IL1RAPL1: variants seen among roughly 807,000 people sequenced by gnomAD.
IL1RAPL1 encodes interleukin 1 receptor accessory protein like 1, also known as interleukin-1 receptor accessory protein-like 1.
In IL1RAPL1, 3 loss-of-function variants were observed where a neutral mutation model predicts 48.4. The ratio of observed to expected loss-of-function variants is 0.06; its 90% CI spans 0.03 to 0.16. IL1RAPL1 has a LOEUF of 0.16. Ranked by LOEUF, IL1RAPL1 falls within the 10% of genes least tolerant of loss-of-function variation. The pLI is 1.00. For missense variants in IL1RAPL1, 349 were observed against 530.6 expected (o/e 0.66, Z 3.36); for synonymous variants, 185 against 187.7 (o/e 0.99, Z 0.12).
intron 2 of IL1RAPL1, among the ~76,000 whole-genome samples, chrX:29,094,164 A>T (rs1004476037): frequency 9.0e-6 from 1 of 111,697 alleles, no homozygotes; most frequent in Non-Finnish European, 1.9e-5. Context: ...ATGAGTGTGC[A>T]TGCCCCCCTT....
chrX:28,785,786 T>G lies in IL1RAPL1; in HGVS notation c.-24-3534T>G, dbSNP rs952891102. Among the ~76,000 whole-genome samples the G allele has an allele frequency of 2.7e-5, 3 of 112,257 alleles. No individual in the cohort carries two copies. In the Admixed American group the frequency reaches 2.9e-4, roughly 11 times the overall value. ...AACAGGGCCAGTCTAATTAAATAGGTAAGCATTTGTTTCCTTTATTGGTTT... is the reference window on the plus strand; with the variant it reads ...AACAGGGCCAGTCTAATTAAATAGGGAAGCATTTGTTTCCTTTATTGGTTT... On this transcript the variant is annotated intron_variant, in intron 1 of 10. Coordinates refer to ENST00000378993, the MANE Select transcript of IL1RAPL1 (RefSeq NM_014271.4).
intron 3 of IL1RAPL1, among the ~76,000 whole-genome samples, chrX:29,304,130 G>C (rs1932580444): frequency 1.8e-5 from 2 of 110,803 alleles, no homozygotes; most frequent in Non-Finnish European, 1.9e-5. Context: ...GTCCCCTCCA[G>C]TATATGTACT....
intron 1 of IL1RAPL1, among the ~76,000 whole-genome samples, chrX:28,719,851 A>G (rs768648363): frequency 9.0e-6 from 1 of 111,268 alleles, no homozygotes; most frequent in Non-Finnish European, 1.9e-5. Flanking sequence ...TCCAGCACAC[A>G]GGAATGGGGG....
chrX:28,922,350 A>G (rs941553781), intron 2 of IL1RAPL1, among the ~76,000 whole-genome samples: 17 of 112,000 alleles, frequency 1.5e-4, no homozygotes, highest in Non-Finnish European at 3.0e-4. Context: ...TTCCTTCTTA[A>G]AAGGAAGCAA....
intron 8 of IL1RAPL1, among the ~76,000 whole-genome samples, chrX:29,941,101 G>A (rs2147251240): frequency 8.9e-6 from 1 of 111,812 alleles, no homozygotes; most frequent in Admixed American, 9.4e-5. Flanking sequence ...ACAATCCACA[G>A]TGCTCTCCTG....
intron 3 of IL1RAPL1, among the ~76,000 whole-genome samples, chrX:29,318,567 C>G (rs1247811117): frequency 5.3e-5 from 6 of 112,302 alleles, no homozygotes; most frequent in Admixed American, 1.9e-4. Context: ...GTAATCTAAG[C>G]AGACATAGAG....
At chrX:29,116,240 C>T (rs182318809) in intron 2 of IL1RAPL1, among the ~76,000 whole-genome samples, 173 of 110,808 alleles carry the variant, frequency 1.6e-3, no homozygotes, top group Non-Finnish European at 2.8e-3. Context: ...GGATTATGGA[C>T]ATTTTTCATC....
intron 2 of IL1RAPL1, among the ~76,000 whole-genome samples, chrX:28,849,841 C>T (rs182614362): frequency 8.9e-6 from 1 of 111,980 alleles, no homozygotes; most frequent in African/African-American, 3.2e-5. Context: ...ATCTTTGTCC[C>T]TGTCTTATGA....
chrX:28,703,660 A>G (rs1935328174), intron 1 of IL1RAPL1, among the ~76,000 whole-genome samples: 1 of 111,456 alleles, frequency 9.0e-6, no homozygotes, highest in African/African-American at 3.3e-5. Flanking sequence ...AAACAATTGC[A>G]ACACCTCTGT....
intron 5 of IL1RAPL1, among the ~76,000 whole-genome samples, chrX:29,613,163 T>TA (rs758474459): frequency 5.3e-5 from 6 of 112,638 alleles, no homozygotes; most frequent in African/African-American, 1.6e-4. Context: ...GTAGTCACAT[T>TA]AAAAATCACG....
chrX:29,143,914 T>C (rs1162752959), intron 2 of IL1RAPL1, among the ~76,000 whole-genome samples: 1 of 111,860 alleles, frequency 8.9e-6, no homozygotes, highest in Non-Finnish European at 1.9e-5. Flanking sequence ...GATATGTCGA[T>C]ACAACAGTGG....
chrX:29,856,705 G>A (rs760360615), intron 6 of IL1RAPL1, among the ~76,000 whole-genome samples: 10 of 111,403 alleles, frequency 9.0e-5, no homozygotes, highest in Non-Finnish European at 1.9e-4. Context: ...TATATTTCTC[G>A]ACTATACCTA....
intron 2 of IL1RAPL1, among the ~76,000 whole-genome samples, chrX:29,227,084 A>C: frequency 9.1e-6 from 1 of 110,480 alleles, no homozygotes; most frequent in East Asian, 2.8e-4. Context: ...TTAATGTGGT[A>C]ATTTAGAGTG....
At chrX:29,567,551 T>C (rs1170538714) in intron 5 of IL1RAPL1, among the ~76,000 whole-genome samples, 1 of 111,901 alleles carries the variant, frequency 8.9e-6, no homozygotes, top group Non-Finnish European at 1.9e-5. Flanking sequence ...ATTTTCCTTT[T>C]GAGAACAAAT....
intron 5 of IL1RAPL1, among the ~76,000 whole-genome samples, chrX:29,644,416 A>G (rs1569136012): frequency 8.9e-6 from 1 of 111,762 alleles, no homozygotes; most frequent in African/African-American, 3.3e-5. Context: ...GCACCTATAC[A>G]TGTCCCTCAT....
intron 1 of IL1RAPL1, among the ~76,000 whole-genome samples, chrX:28,737,159 TTCC>T (rs1569161798): frequency 2.3e-4 from 10 of 42,997 alleles, no homozygotes; most frequent in Non-Finnish European, 3.5e-4. Flanking sequence ...CCTTCCTTCC[TTCC>T]TTCCTTCCTT....
At chrX:29,311,532 G>T (rs1932724079) in intron 3 of IL1RAPL1, among the ~76,000 whole-genome samples, 1 of 111,685 alleles carries the variant, frequency 9.0e-6, no homozygotes, top group Non-Finnish European at 1.9e-5. Flanking sequence ...CTATGTCTCT[G>T]CTGTTCAATA....
intron 2 of IL1RAPL1, among the ~76,000 whole-genome samples, chrX:29,082,751 G>A (rs1168254300): frequency 9.0e-6 from 1 of 111,454 alleles, no homozygotes; most frequent in Non-Finnish European, 1.9e-5. Context: ...TGAAGATTGC[G>A]GCAGGTGTTA....
At chrX:28,865,422 G>A (rs1304769959) in intron 2 of IL1RAPL1, among the ~76,000 whole-genome samples, 1 of 93,376 alleles carries the variant, frequency 1.1e-5, no homozygotes, top group African/African-American at 4.1e-5. Flanking sequence ...CTGGGTGACA[G>A]AAGGAGACCC....
Sources: allele counts gnomAD v4.1 joint callset (sites outside exome capture counted in the v4.1 genomes callset), GRCh38; gene constraint gnomAD v4.1.1; transcripts MANE v1.5; gene names NCBI Gene and HGNC (gene_info 2026-07-23, HGNC 2026-07-21).